Variants in HMCN1 observed in about 807,000 individuals in gnomAD.
HMCN1 encodes hemicentin 1.
HMCN1 carries 321 observed loss-of-function variants against 625.9 expected under a neutral mutation model. That is an observed-to-expected ratio of 0.51 (90% CI 0.47 to 0.56). HMCN1 has a LOEUF of 0.56. HMCN1 is among the 20% of genes least tolerant of loss of function. The pLI, the probability that HMCN1 is intolerant of heterozygous loss-of-function variation, is 0.00. For missense variants in HMCN1, 6,588 were observed against 6,887.3 expected (o/e 0.96, Z 1.54); for synonymous variants, 2,425 against 2,417.6 (o/e 1.00, Z -0.09).
chr1:186,067,265 G>C (rs1422329628), intron 49 of HMCN1, among the ~76,000 whole-genome samples: 1 of 151,880 alleles, frequency 6.6e-6, no homozygotes, highest in Non-Finnish European at 1.5e-5. Flanking sequence ...CTCTAGTTCA[G>C]TTCCTCGTTA....
chr1:185,753,466 T>C (rs1343402821), intron 1 of HMCN1, among the ~76,000 whole-genome samples: 1 of 152,042 alleles, frequency 6.6e-6, no homozygotes, highest in East Asian at 1.9e-4. Flanking sequence ...GTGGCCCTAT[T>C]TTTATTATTT....
At chr1:185,989,956 T>C (rs1652308423) in intron 21 of HMCN1, among the ~76,000 whole-genome samples, 2 of 152,136 alleles carry the variant, frequency 1.3e-5, no homozygotes, top group Admixed American at 1.3e-4. Flanking sequence ...TTAACACTCC[T>C]AGCAAAGCCA....
intron 14 of HMCN1, among the ~76,000 whole-genome samples, chr1:185,967,598 T>G (rs1316377214): frequency 6.6e-6 from 1 of 151,754 alleles, no homozygotes; most frequent in African/African-American, 2.4e-5. Context: ...GGCAGACAAT[T>G]TATGCATAAA....
intron 4 of HMCN1, among the ~76,000 whole-genome samples, chr1:185,902,148 A>G (rs1055592270): frequency 1.3e-5 from 2 of 151,742 alleles, no homozygotes; most frequent in South Asian, 2.1e-4. Flanking sequence ...GCCTATATCC[A>G]TTTATGAATT....
Position 186,093,200 on chromosome 1 carries a change from A to G in HMCN1, c.9954A>G (p.Thr3318=), listed in dbSNP as rs759212240. 4 of 1,613,108 alleles carry G rather than the reference A, an allele frequency of 2.5e-6. No homozygotes were observed. The African/African-American group carries it at 5.3e-5, about 22-fold the overall frequency. The change falls in exon 65 of 107, where the codon ACA becomes ACG. Residue 3318 remains threonine (T), a synonymous_variant. Transcript: ENST00000271588. ...TTACATCTGACACGGGGAAATACAC[A>G]TGTGTTGCTACTAATCCCGCTGGAG... ...GALTSDTGKY[T]CVATNPAGEE...
Position 185,734,985 on chromosome 1 carries a change from C to T in HMCN1, c.206C>T (p.Thr69Met), listed in dbSNP as rs1263547680. The change falls in exon 1 of 107, where the codon ACG becomes ATG. Residue 69 changes from threonine (T) to methionine (M), a missense_variant. Physicochemically the swap from Thr to Met is moderately conservative, Grantham distance 81 (BLOSUM62 -1). Around this residue, in one of 3 missense-constraint regions of HMCN1, gnomAD observed 4,628 missense variants for 4,853.1 expected, o/e 0.95. Transcript: ENST00000271588. The stretch of plus-strand genomic sequence containing the variant: ...GAAGGGGCTTCCAAAATTTTGGAGA[C>T]GTCTTTGAAAAGACCTAAAAGACCT... ...VIEGASKILE[T>M]SLKRPKRPLF... 5.6e-6 allele frequency: 9 copies of T among 1,613,896 alleles called. No homozygotes were observed. Among genetic ancestry groups the T allele is most frequent in the Admixed American group, 1.7e-5 (1 of 59,988 alleles).
chr1:185,988,035 T>A (rs1652128224), intron 20 of HMCN1, among the ~76,000 whole-genome samples: 1 of 152,124 alleles, frequency 6.6e-6, no homozygotes, highest in Non-Finnish European at 1.5e-5. Context: ...GGCACACAGG[T>A]TATGCTACGG....
intron 71 of HMCN1, among the ~76,000 whole-genome samples, chr1:186,109,925 C>A (rs1660797352): frequency 6.6e-6 from 1 of 152,090 alleles, no homozygotes; most frequent in South Asian, 2.1e-4. Flanking sequence ...GCATTTCACT[C>A]CAGACCATTA....
At chr1:186,181,119 C>G (rs957141731) in intron 104 of HMCN1, among the ~76,000 whole-genome samples, 5 of 152,084 alleles carry the variant, frequency 3.3e-5, no homozygotes, top group Non-Finnish European at 7.4e-5. Context: ...GTGCTAACAA[C>G]TTGGAGTTCA....
chr1:185,925,314 G>T, intron 9 of HMCN1, 123 bp downstream of exon 9: 1 of 946,582 alleles, frequency 1.1e-6, no homozygotes, highest in East Asian at 2.5e-5. Context: ...GAATATAGCA[G>T]TGAACAAAAT....
chr1:185,864,307 T>C (rs956150308), intron 2 of HMCN1, among the ~76,000 whole-genome samples, 163 bp from the exon 3 acceptor site: 3 of 152,218 alleles, frequency 2.0e-5, no homozygotes, highest in African/African-American at 7.2e-5. Flanking sequence ...CTAGTTCATA[T>C]CACTTTACAT....
In HMCN1 at chr1:186,148,925, TGAAAG is replaced by T. The variant is rs1185611543; in HGVS notation, c.14609-2271_14609-2267del. On this transcript the variant is annotated intron_variant, in intron 93 of 106. Transcript: ENST00000271588. Reference sequence around the variant, plus strand: ...CACATGTCAGTGGGCAGTAATACTTTGAAAGGAATCTTTTTTTTTTTTTTTTATTT... The same window carrying T: ...CACATGTCAGTGGGCAGTAATACTTTGAATCTTTTTTTTTTTTTTTTATTT... Among the ~76,000 whole-genome samples, 5 of 145,144 alleles carry T rather than the reference TGAAAG, an allele frequency of 3.4e-5. No individual in the cohort carries two copies. The Admixed American group carries it at 3.6e-4, about 10-fold the overall frequency.
intron 1 of HMCN1, among the ~76,000 whole-genome samples, chr1:185,792,773 A>G (rs1470112463): frequency 6.6e-6 from 1 of 152,174 alleles, no homozygotes; most frequent in Non-Finnish European, 1.5e-5. Context: ...TTCACGGTTG[A>G]GGCTGCTGTG....
At chr1:185,946,791 A>G in intron 11 of HMCN1, among the ~76,000 whole-genome samples, 1 of 152,246 alleles carries the variant, frequency 6.6e-6, no homozygotes, top group East Asian at 1.9e-4. Context: ...GTTGACATAC[A>G]AAATTTTGTA....
chr1:185,864,437 T>C, intron 2 of HMCN1, 33 bp from the exon 3 acceptor site: 1 of 1,605,930 alleles, frequency 6.2e-7, no homozygotes, highest in Admixed American at 1.7e-5. Flanking sequence ...TTTTTGATGA[T>C]GACGTAATTG....
intron 11 of HMCN1, among the ~76,000 whole-genome samples, chr1:185,940,804 C>A (rs1257741896): frequency 6.6e-6 from 1 of 152,066 alleles, no homozygotes; most frequent in African/African-American, 2.4e-5. Flanking sequence ...GGTCTTGTTG[C>A]CCAGGCTGGA....
At position 186,094,280 on chromosome 1, in the gene HMCN1, G is replaced by T. The variant is rs1428389867; in HGVS notation, c.10201G>T (p.Val3401Leu). The change falls in exon 67 of 107, where the codon GTG becomes TTG. Residue 3401 changes from valine (V) to leucine (L), a missense_variant. Around this residue, in one of 3 missense-constraint regions of HMCN1, gnomAD observed 4,628 missense variants for 4,853.1 expected, o/e 0.95. Coordinates refer to ENST00000271588, the MANE Select transcript of HMCN1 (RefSeq NM_031935.3). ...GTGGATCAAATTGTTTCTCAGGATT[G>T]TGAGAGCTCAGGTGTCTGATGTCGC... ...LLAAGQVIRI[V>L]RAQVSDVAVY... The T allele has an allele frequency of 6.2e-7, 1 of 1,612,176 alleles. No individual in the cohort carries two copies. The highest frequency in any genetic ancestry group is 1.1e-5 in the South Asian group (1 of 91,056).
chr1:186,016,249 G>T lies in HMCN1; in HGVS notation c.5191+10G>T. The T allele has an allele frequency of 6.2e-7, 1 of 1,610,182 alleles. No homozygotes were observed. The highest frequency in any genetic ancestry group is 1.1e-5 in the South Asian group (1 of 90,942). ...GAAGTTGATGTCTTGGGTAAATAAGGATGCCACTGCCTGGGTTCTCAGATT... is the reference window on the plus strand; with the variant it reads ...GAAGTTGATGTCTTGGGTAAATAAGTATGCCACTGCCTGGGTTCTCAGATT... On this transcript the variant is annotated intron_variant, in intron 32 of 106. Coordinates refer to ENST00000271588, the MANE Select transcript of HMCN1 (RefSeq NM_031935.3).
At chr1:185,889,075 T>G (rs1269228262) in intron 4 of HMCN1, among the ~76,000 whole-genome samples, 3 of 141,160 alleles carry the variant, frequency 2.1e-5, no homozygotes, top group Non-Finnish European at 4.5e-5. Flanking sequence ...GAAGCAATTG[T>G]GAATGGGAGT....
Sources: allele counts gnomAD v4.1 joint callset (sites outside exome capture counted in the v4.1 genomes callset), GRCh38; gene constraint gnomAD v4.1.1; regional missense constraint gnomAD v4.1.1; transcripts MANE v1.5; gene names NCBI Gene and HGNC (gene_info 2026-07-23, HGNC 2026-07-21).